ULK4: variants seen among roughly 807,000 people sequenced by gnomAD.
ULK4 encodes the protein inactive serine/threonine-protein kinase ULK4.
Under a neutral mutation model 160.6 loss-of-function variants are expected in ULK4, and 133 were observed. The observed-to-expected ratio is 0.83, with a 90% CI of 0.72 to 0.96. ULK4 has a LOEUF of 0.96. Ranked by LOEUF, ULK4 falls within the 40% of genes least tolerant of loss-of-function variation. ULK4 has a pLI of 0.00. For synonymous variants in ULK4, 534 were observed against 539.8 expected, an observed-to-expected ratio of 0.99 and a Z score of 0.15; for missense variants, 1,580 against 1,499.5, an observed-to-expected ratio of 1.05 and a Z score of -0.89.
intron 17 of ULK4, among the ~76,000 whole-genome samples, chr3:41,881,683 C>T (rs1167062833): frequency 6.6e-6 from 1 of 152,134 alleles, no homozygotes; most frequent in African/African-American, 2.4e-5. Flanking sequence ...TAGTTCAGTA[C>T]ACGCCATTTT....
chr3:41,575,666 A>G (rs1375930286), intron 31 of ULK4, among the ~76,000 whole-genome samples: 1 of 152,240 alleles, frequency 6.6e-6, no homozygotes, highest in Non-Finnish European at 1.5e-5. Context: ...GATTAGTGAT[A>G]CATTCCAGCT....
chr3:41,673,673 AAT>A (rs546918279), intron 29 of ULK4, among the ~76,000 whole-genome samples: 11 of 148,744 alleles, frequency 7.4e-5, no homozygotes, highest in Admixed American at 6.7e-5. Flanking sequence ...CTCAAACCTA[AAT>A]ATATATATAT....
At chr3:41,592,105 C>T (rs1052700450) in intron 31 of ULK4, among the ~76,000 whole-genome samples, 1 of 152,140 alleles carries the variant, frequency 6.6e-6, no homozygotes, top group South Asian at 2.1e-4. Flanking sequence ...CCTGCAGGAA[C>T]CGGGAGACAC....
At chr3:41,809,442 A>G (rs1287159923) in intron 19 of ULK4, among the ~76,000 whole-genome samples, 1 of 152,204 alleles carries the variant, frequency 6.6e-6, no homozygotes, top group African/African-American at 2.4e-5. Context: ...TGAAACAACA[A>G]ATGTCAGTAT....
intron 21 of ULK4, among the ~76,000 whole-genome samples, chr3:41,775,493 G>C (rs1417480219): frequency 6.7e-6 from 1 of 149,178 alleles, no homozygotes; most frequent in Admixed American, 6.6e-5. Context: ...CCACCTCCCA[G>C]TTTCAAGCGA....
intron 35 of ULK4, among the ~76,000 whole-genome samples, chr3:41,298,736 A>G (rs1014173320): frequency 2.0e-5 from 3 of 152,216 alleles, no homozygotes; most frequent in African/African-American, 7.2e-5. Flanking sequence ...GATATTCAAA[A>G]TCTTTAAGAA....
intron 21 of ULK4, among the ~76,000 whole-genome samples, chr3:41,780,329 G>T (rs1233146046): frequency 6.6e-6 from 1 of 151,738 alleles, no homozygotes; most frequent in African/African-American, 2.4e-5. Context: ...TAAAGTGCAT[G>T]ATGGTGTATG....
chr3:41,643,043 T>G (rs1287581269), intron 30 of ULK4, among the ~76,000 whole-genome samples: 1 of 152,142 alleles, frequency 6.6e-6, no homozygotes, highest in Non-Finnish European at 1.5e-5. Context: ...GGGTTGTTTG[T>G]TTTTTTCTTG....
intron 32 of ULK4, among the ~76,000 whole-genome samples, chr3:41,516,487 G>C (rs2085751486): frequency 6.6e-6 from 1 of 150,876 alleles, no homozygotes; most frequent in Non-Finnish European, 1.5e-5. Context: ...CCACAATGGA[G>C]TACTATTCAG....
chr3:41,267,294 G>A (rs1343264455), intron 35 of ULK4, among the ~76,000 whole-genome samples: 1 of 152,072 alleles, frequency 6.6e-6, no homozygotes, highest in African/African-American at 2.4e-5. Flanking sequence ...TTAGTTTGCT[G>A]AGGATGATGG....
chr3:41,770,673 G>A (rs919590001), intron 21 of ULK4, among the ~76,000 whole-genome samples: 14 of 151,932 alleles, frequency 9.2e-5, no homozygotes, highest in African/African-American at 3.4e-4. Flanking sequence ...ACCACGACAG[G>A]CTAATTTTTT....
At chr3:41,898,643 T>C (rs1698249589) in intron 13 of ULK4, 151 bp from the exon 14 acceptor site, 2 of 533,488 alleles carry the variant, frequency 3.7e-6, no homozygotes, top group Admixed American at 3.6e-5. Context: ...CAATGACTTT[T>C]CGGATTAAAA....
intron 32 of ULK4, among the ~76,000 whole-genome samples, chr3:41,547,485 G>A (rs1276545634): frequency 2.2e-4 from 34 of 152,098 alleles, no homozygotes; most frequent in Non-Finnish European, 1.5e-5. Context: ...AGATCCCAGT[G>A]GTCCACATTC....
At position 41,746,272 on chromosome 3, in the gene ULK4, C is replaced by CAAAA. The variant is rs34582395; in HGVS notation, c.2321+8085_2321+8088dup. Among the ~76,000 whole-genome samples the CAAAA allele has an allele frequency of 3.7e-3, 171 of 45,604 alleles. 1 individual carries two copies. Among genetic ancestry groups the CAAAA allele is most frequent in the East Asian group, 6.1e-3 (10 of 1,628 alleles). 29.9% of individuals were successfully genotyped at this position (45,604 alleles called of 152,430 possible). ...TATATAGAAAATCTCCTGGAACCCACAAAAAAAAAAAAAAAAAAAAAAAAC... is the reference window on the plus strand; with the variant it reads ...TATATAGAAAATCTCCTGGAACCCACAAAAAAAAAAAAAAAAAAAAAAAAAAAAC... On this transcript the variant is annotated intron_variant, in intron 22 of 36. Transcript: ENST00000301831.
rs141360927 is a variant in ULK4, at chr3:41,887,585, C to T, written c.1578-3633G>A. Among the ~76,000 whole-genome samples the T allele has an allele frequency of 6.6e-3, 998 of 152,176 alleles. 9 individuals are homozygous for T. The highest frequency in any genetic ancestry group is 0.023 in the African/African-American group (964 of 41,506). Reference sequence around the variant, plus strand: ...CCTGTAATCCCAGCATTTGGGAGGCCGAGGCAGGTGAATCACTTGAGGTCA... The same window carrying T: ...CCTGTAATCCCAGCATTTGGGAGGCTGAGGCAGGTGAATCACTTGAGGTCA... On this transcript the variant is annotated intron_variant, in intron 16 of 36. Coordinates refer to ENST00000301831, the MANE Select transcript of ULK4 (RefSeq NM_017886.4).
At chr3:41,511,310 T>A in intron 32 of ULK4, among the ~76,000 whole-genome samples, 1 of 146,976 alleles carries the variant, frequency 6.8e-6, no homozygotes. Context: ...CTAAATGAAA[T>A]CAAAAAAACA....
chr3:41,660,077 G>A (rs1355244147), intron 30 of ULK4, among the ~76,000 whole-genome samples: 1 of 152,138 alleles, frequency 6.6e-6, no homozygotes, highest in East Asian at 1.9e-4. Context: ...ATCACCTGAG[G>A]TCGGGAGTTC....
chr3:41,288,956 G>T (rs577694143), intron 35 of ULK4, among the ~76,000 whole-genome samples: 1 of 152,254 alleles, frequency 6.6e-6, no homozygotes, highest in Admixed American at 6.5e-5. Context: ...GCAGGCACAC[G>T]GCAGGCCCCA....
At chr3:41,444,035 T>C (rs2083234526) in intron 34 of ULK4, among the ~76,000 whole-genome samples, 1 of 152,156 alleles carries the variant, frequency 6.6e-6, no homozygotes, top group Non-Finnish European at 1.5e-5. Context: ...AATTCTGTAC[T>C]TCTGATTATT....
Sources: gnomAD v4.1 joint callset for allele counts (sites outside exome capture counted in the v4.1 genomes callset) on GRCh38, gnomAD v4.1.1 for gene constraint, MANE v1.5 for transcripts, NCBI Gene and HGNC (gene_info 2026-07-23, HGNC 2026-07-21) for gene names.